Variants in XRCC4 observed in about 807,000 individuals in gnomAD.
The protein encoded by XRCC4 is DNA repair protein XRCC4.
In XRCC4, 28 loss-of-function variants were observed where a neutral mutation model predicts 39.1. The ratio of observed to expected loss-of-function variants is 0.72; its 90% confidence interval spans 0.53 to 0.98. XRCC4 has a LOEUF of 0.98. XRCC4 is among the 50% of genes least tolerant of loss of function. The pLI, the probability that XRCC4 is intolerant of heterozygous loss-of-function variation, is 0.00. For synonymous variants in XRCC4, 123 were observed against 126.4 expected (o/e 0.97, Z 0.18); for missense variants, 350 against 376.4 (o/e 0.93, Z 0.58).
chr5:83,199,886 G>A (rs573539003), intron 4 of XRCC4, among the ~76,000 whole-genome samples: 2 of 152,174 alleles, frequency 1.3e-5, no homozygotes, highest in African/African-American at 4.8e-5. Flanking sequence ...AGTATCATTA[G>A]ACCTTTCTTG....
intron 3 of XRCC4, among the ~76,000 whole-genome samples, chr5:83,144,839 G>A (rs929696478): frequency 2.6e-5 from 4 of 151,764 alleles, no homozygotes; most frequent in South Asian, 2.1e-4. Context: ...TTTGGTTCTT[G>A]TTTATAGCCT....
At chr5:83,322,475 C>T (rs1256815430) in intron 7 of XRCC4, among the ~76,000 whole-genome samples, 1 of 152,126 alleles carries the variant, frequency 6.6e-6, no homozygotes, top group Non-Finnish European at 1.5e-5. Context: ...GTGTGATAGG[C>T]TGAATAACCA....
At chr5:83,086,960 G>C (rs1663541506) in intron 1 of XRCC4, among the ~76,000 whole-genome samples, 1 of 151,884 alleles carries the variant, frequency 6.6e-6, no homozygotes. Context: ...GAATTTTTTT[G>C]GCCATCAGCT....
intron 6 of XRCC4, among the ~76,000 whole-genome samples, chr5:83,207,431 C>T (rs1751462807): frequency 6.6e-6 from 1 of 152,010 alleles, no homozygotes; most frequent in African/African-American, 2.4e-5. Flanking sequence ...TAGCCCACAT[C>T]TAGTTCATTA....
chr5:83,094,435 CTTTTTCTT>C (rs1200086834), intron 1 of XRCC4, among the ~76,000 whole-genome samples: 1 of 146,660 alleles, frequency 6.8e-6, no homozygotes, highest in Non-Finnish European at 1.5e-5. Flanking sequence ...TTCCTTTCCT[CTTTTTCTT>C]TTTTTCTTTG....
intron 3 of XRCC4, among the ~76,000 whole-genome samples, chr5:83,133,646 C>G (rs183083796): frequency 1.3e-5 from 2 of 152,276 alleles, no homozygotes; most frequent in East Asian, 3.9e-4. Flanking sequence ...GATTGCTGTT[C>G]TAGCAGTGAG....
At chr5:83,173,995 C>G (rs1324103607) in intron 3 of XRCC4, among the ~76,000 whole-genome samples, 2 of 152,100 alleles carry the variant, frequency 1.3e-5, no homozygotes, top group Non-Finnish European at 2.9e-5. Flanking sequence ...TTATCCAAAA[C>G]CTGGACTTCT....
chr5:83,152,814 G>C (rs1748777599), intron 3 of XRCC4, among the ~76,000 whole-genome samples: 1 of 152,118 alleles, frequency 6.6e-6, no homozygotes, highest in Admixed American at 6.5e-5. Flanking sequence ...ACTTTACCCA[G>C]TTTCCCAAAT....
intron 6 of XRCC4, among the ~76,000 whole-genome samples, chr5:83,218,715 C>T (rs543771126): frequency 6.6e-6 from 1 of 152,136 alleles, no homozygotes; most frequent in South Asian, 2.1e-4. Flanking sequence ...TGTCTGTTGG[C>T]ATAACTAATG....
chr5:83,158,701 A>G (rs1405869554), intron 3 of XRCC4, among the ~76,000 whole-genome samples: 1 of 152,232 alleles, frequency 6.6e-6, no homozygotes, highest in South Asian at 2.1e-4. Context: ...AGAATTGCAA[A>G]CAATTTTAAT....
intron 7 of XRCC4, among the ~76,000 whole-genome samples, chr5:83,349,669 T>A (rs938106243): frequency 3.9e-5 from 6 of 152,336 alleles, no homozygotes; most frequent in African/African-American, 1.4e-4. Flanking sequence ...CTGATTTTTT[T>A]AAAACAAAAT....
chr5:83,225,934 C>T (rs1201048408), intron 6 of XRCC4, among the ~76,000 whole-genome samples: 1 of 152,016 alleles, frequency 6.6e-6, no homozygotes, highest in African/African-American at 2.4e-5. Context: ...TATGCCTCTG[C>T]TCTCAGAGCT....
intron 7 of XRCC4, among the ~76,000 whole-genome samples, chr5:83,277,373 C>A (rs1754371130): frequency 6.6e-6 from 1 of 152,192 alleles, no homozygotes; most frequent in Non-Finnish European, 1.5e-5. Context: ...TCTGCCATAG[C>A]AACTGGCAAA....
intron 6 of XRCC4, among the ~76,000 whole-genome samples, chr5:83,227,168 A>C (rs1460147605): frequency 6.6e-6 from 1 of 152,036 alleles, no homozygotes; most frequent in Non-Finnish European, 1.5e-5. Flanking sequence ...ATTGTAAATC[A>C]GTTAGGGATG....
At chr5:83,145,383 A>T (rs1748403064) in intron 3 of XRCC4, among the ~76,000 whole-genome samples, 2 of 152,108 alleles carry the variant, frequency 1.3e-5, no homozygotes, top group South Asian at 4.1e-4. Context: ...TAGAGAGGAG[A>T]TTCTCTTAGA....
At chr5:83,369,118 A>C in the XRCC4 span, among the ~76,000 whole-genome samples, 1 of 152,214 alleles carries the variant, frequency 6.6e-6, no homozygotes, top group African/African-American at 2.4e-5. Context: ...CATTTTTTCA[A>C]GATTCCTTTT....
intron 7 of XRCC4, among the ~76,000 whole-genome samples, chr5:83,324,169 C>T (rs1052411387): frequency 6.6e-6 from 1 of 152,164 alleles, no homozygotes; most frequent in Non-Finnish European, 1.5e-5. Flanking sequence ...TCTTGGTAGC[C>T]TTGCCTGTTC....
chr5:83,232,505 G>A (rs956900653), intron 6 of XRCC4, among the ~76,000 whole-genome samples: 4 of 152,008 alleles, frequency 2.6e-5, no homozygotes, highest in Non-Finnish European at 4.4e-5. Flanking sequence ...AAAACTACAA[G>A]AGCAGGAGCA....
intron 7 of XRCC4, among the ~76,000 whole-genome samples, chr5:83,261,909 C>T (rs1003141293): frequency 6.6e-6 from 1 of 151,938 alleles, no homozygotes; most frequent in Non-Finnish European, 1.5e-5. Context: ...AGGTATTTTA[C>T]AATGTAACAT....
Sources: allele counts gnomAD v4.1 joint callset (sites outside exome capture counted in the v4.1 genomes callset), GRCh38; gene constraint gnomAD v4.1.1; transcripts MANE v1.5; gene names NCBI Gene and HGNC (gene_info 2026-07-23, HGNC 2026-07-21).